The following CACNA1C variants were observed in gnomAD, a reference collection of about 807,000 sequenced individuals.
CACNA1C encodes calcium voltage-gated channel subunit alpha1 C.
CACNA1C carries 30 observed loss-of-function variants against 229.0 expected under a neutral mutation model. That is an observed-to-expected ratio of 0.13 (90% confidence interval 0.10 to 0.18). CACNA1C has a LOEUF of 0.18. CACNA1C is among the 10% of genes least tolerant of loss of function. The pLI is 1.00. For synonymous variants in CACNA1C, 1,114 were observed against 1,132.5 expected (o/e 0.98, Z 0.33); for missense variants, 1,658 against 2,845.0 (o/e 0.58, Z 9.49).
rs895032280 is a variant in CACNA1C at position 2,034,659 on chromosome 12, G to C, written c.139+63458G>C. Among the ~76,000 whole-genome samples, 2 of 152,132 alleles carry C rather than the reference G, an allele frequency of 1.3e-5. No homozygotes were observed. The highest frequency in any genetic ancestry group is 4.8e-5 in the African/African-American group (2 of 41,406). On this transcript the variant is annotated intron_variant, in intron 1 of 46. Coordinates refer to the CACNA1C transcript ENST00000682462. This position sits in a 1 kb window ranked among gnomAD's most constrained non-coding sequence, Gnocchi z 4.1. ...ATCCGACGACTTTGAAATAATTCGAGGGCTAACTGGCTCATCTAGTGTGAT... is the reference window on the plus strand; with the variant it reads ...ATCCGACGACTTTGAAATAATTCGACGGCTAACTGGCTCATCTAGTGTGAT...
At chr12:2,168,354 G>A (rs1470204951) in intron 3 of CACNA1C, among the ~76,000 whole-genome samples, 3 of 152,152 alleles carry the variant, frequency 2.0e-5, no homozygotes, top group African/African-American at 4.8e-5. Context: ...GAAGATGAGG[G>A]GTTGAACTAG....
At chr12:2,505,944 A>C (rs960465838) in intron 8 of CACNA1C, among the ~76,000 whole-genome samples, 1 of 152,084 alleles carries the variant, frequency 6.6e-6, no homozygotes, top group Non-Finnish European at 1.5e-5. Context: ...TGCTGGGAGA[A>C]ATTTAAGCAT....
chr12:2,485,158 CTGTG>C (rs1363720527), intron 5 of CACNA1C, among the ~76,000 whole-genome samples: 1 of 152,056 alleles, frequency 6.6e-6, no homozygotes, highest in Non-Finnish European at 1.5e-5. Flanking sequence ...GTTTCCTGTC[CTGTG>C]TGTCAGAGGT....
intron 29 of CACNA1C, among the ~76,000 whole-genome samples, chr12:2,622,439 G>C (rs2083794073): frequency 6.6e-6 from 1 of 152,106 alleles, no homozygotes. Flanking sequence ...GCATCACAGA[G>C]GTCCCTGACT....
chr12:2,675,051 C>T (rs1045289264), intron 39 of CACNA1C, among the ~76,000 whole-genome samples: 2 of 152,208 alleles, frequency 1.3e-5, no homozygotes, highest in African/African-American at 2.4e-5. Context: ...TGAGATTCCT[C>T]CCCTCTTGGA....
chr12:2,567,570 C>T lies in CACNA1C; in HGVS notation c.1671C>T (p.Asp557=), dbSNP rs751998767. The T allele has an allele frequency of 5.1e-6, 8 of 1,578,394 alleles. No individual in the cohort carries two copies. The South Asian group carries it at 9.2e-5, about 18-fold the overall frequency. The change falls in exon 13 of 47, where the codon GAC becomes GAT. Residue 557 remains aspartate, a splice_region_variant and synonymous_variant. Transcript: ENST00000399655. ...NQPNWLTEVQ[D]TANKALLALF... is the part of the protein sequence containing the mutation. ...TCATCCCTCTCCTGGGCCTGCCAGA[C>T]ACGGCAAACAAGGCCCTGCTGGCCC...
intron 4 of CACNA1C, among the ~76,000 whole-genome samples, chr12:2,456,292 C>T (rs1467488589): frequency 6.6e-6 from 1 of 152,226 alleles, no homozygotes; most frequent in Non-Finnish European, 1.5e-5. Context: ...TGTTCTGAGC[C>T]ACCCAGTGTC....
chr12:2,512,890 G>A lies in CACNA1C; in HGVS notation c.1296G>A (p.Glu432=), dbSNP rs753195536. ...QKLREKQQLE[E]DLKGYLDWIT... is the part of the protein sequence containing the mutation. ...TGCGGGAGAAGCAGCAGCTAGAAGA[G>A]GATCTCAAAGGCTACCTGGATTGGA... Residue 432 remains glutamate (E), a synonymous_variant, in exon 9 of 47, where the codon GAG becomes GAA. Coordinates refer to ENST00000399655, the MANE Select transcript of CACNA1C (RefSeq NM_000719.7). This position sits in a 1 kb window ranked among gnomAD's most constrained non-coding sequence, Gnocchi z 4.3. The A allele has an allele frequency of 1.2e-6, 2 of 1,613,222 alleles. No individual in the cohort carries two copies. Among genetic ancestry groups the A allele is most frequent in the South Asian group, 2.2e-5 (2 of 90,778 alleles).
chr12:2,611,824 G>C, intron 28 of CACNA1C, 79 bp from the exon 29 acceptor site: 1 of 895,236 alleles, frequency 1.1e-6, no homozygotes, highest in South Asian at 1.5e-5. Context: ...GAGGGCCTTC[G>C]AGAAGGCTGG....
At chr12:2,074,381 T>C (rs957382061) in intron 1 of CACNA1C, among the ~76,000 whole-genome samples, 2 of 152,196 alleles carry the variant, frequency 1.3e-5, no homozygotes, top group African/African-American at 4.8e-5. Context: ...GTTGTCTCAT[T>C]GCATTGTTTA....
chr12:2,228,780 G>A (rs1333179672), intron 3 of CACNA1C, among the ~76,000 whole-genome samples: 1 of 152,184 alleles, frequency 6.6e-6, no homozygotes, highest in African/African-American at 2.4e-5. Context: ...TTTCCCATCT[G>A]TGACTTTTTC....
At chr12:2,307,698 GAGA>G (rs941414437) in intron 3 of CACNA1C, among the ~76,000 whole-genome samples, 1 of 152,204 alleles carries the variant, frequency 6.6e-6, no homozygotes, top group Non-Finnish European at 1.5e-5. Flanking sequence ...CTGGAGCACT[GAGA>G]AGCTTTTCCT....
intron 11 of CACNA1C, among the ~76,000 whole-genome samples, chr12:2,565,215 T>C (rs943108300): frequency 2.0e-5 from 3 of 152,066 alleles, no homozygotes; most frequent in Non-Finnish European, 4.4e-5. Flanking sequence ...ACGCCTGTAA[T>C]CCCAGCACTT....
At chr12:2,604,533 TGTA>T (rs1555877941) in intron 22 of CACNA1C, among the ~76,000 whole-genome samples, 2 of 152,184 alleles carry the variant, frequency 1.3e-5, no homozygotes, top group African/African-American at 2.4e-5. Context: ...TTCCTTTAAG[TGTA>T]GTAACGTCTT....
At position 2,605,258 on chromosome 12, in the gene CACNA1C, A is replaced by C. The variant is rs1172657912; in HGVS notation, c.3048+90A>C. On this transcript the variant is annotated intron_variant, in intron 23 of 46. Transcript: ENST00000399655. This position sits in a 1 kb window ranked among gnomAD's most constrained non-coding sequence, Gnocchi z 6.2. The stretch of plus-strand genomic sequence containing the variant: ...GTGAGGGGTGGGTTGGAAGGAGATG[A>C]TGGTCAGACCAAGTGGCTGCCATGT... 4 of 890,222 alleles carry C rather than the reference A, an allele frequency of 4.5e-6. No homozygotes were observed. The highest frequency in any genetic ancestry group is 7.4e-6 in the Non-Finnish European group (4 of 541,656). The allele number at this position is 890,222 out of a possible 1,614,324, so 55.1% of individuals were successfully genotyped here. A position where few individuals can be genotyped will look rare whatever the true frequency, so the allele number is the denominator to read the frequency against.
chr12:2,529,304 C>T (rs1474976482), intron 9 of CACNA1C, among the ~76,000 whole-genome samples: 1 of 152,224 alleles, frequency 6.6e-6, no homozygotes, highest in Non-Finnish European at 1.5e-5. Context: ...AACCCCATTC[C>T]ACAGCTGCAT....
chr12:2,450,280 C>T (rs556907180), intron 4 of CACNA1C, among the ~76,000 whole-genome samples: 51 of 152,088 alleles, frequency 3.4e-4, no homozygotes, highest in Non-Finnish European at 4.7e-4. Flanking sequence ...TGAGGTCAGG[C>T]GCGGTGGCTC....
intron 11 of CACNA1C, among the ~76,000 whole-genome samples, chr12:2,560,740 AG>A (rs1402183390): frequency 6.6e-6 from 1 of 151,848 alleles, no homozygotes; most frequent in Admixed American, 6.6e-5. Flanking sequence ...ATCAGCAACA[AG>A]GCACAAATCC....
intron 30 of CACNA1C, among the ~76,000 whole-genome samples, chr12:2,640,747 C>T (rs2238096): frequency 6.6e-6 from 1 of 152,126 alleles, no homozygotes; most frequent in Non-Finnish European, 1.5e-5. Flanking sequence ...CCATAGGCCC[C>T]CAGGCACAAC....
Sources: allele counts gnomAD v4.1 joint callset (sites outside exome capture counted in the v4.1 genomes callset), GRCh38; gene constraint gnomAD v4.1.1; non-coding constraint Gnocchi (gnomAD v3.1); transcripts MANE v1.5; gene names NCBI Gene and HGNC (gene_info 2026-07-23, HGNC 2026-07-21).